Variants in NALF1 observed in about 807,000 individuals in gnomAD.
NALF1 encodes the protein family with sequence similarity 155 member A.
A neutral mutation model predicts 48.4 loss-of-function variants in NALF1; 3 were observed. The observed-to-expected ratio is 0.06, with a 90% confidence interval of 0.03 to 0.16. The LOEUF is 0.16. NALF1 is among the 10% of genes least tolerant of loss of function. The pLI is 1.00. For synonymous variants in NALF1, 262 were observed against 245.7 expected (o/e 1.07, Z -0.62); for missense variants, 526 against 571.5 (o/e 0.92, Z 0.81).
At chr13:107,403,184 C>T (rs138232238) in intron 1 of NALF1, among the ~76,000 whole-genome samples, 6 of 59,826 alleles carry the variant, frequency 1.0e-4, no homozygotes, top group Non-Finnish European at 1.6e-4. Flanking sequence ...TTCTCTTGTT[C>T]GGGCTTTTTT....
In NALF1 at chr13:107,671,101, A is replaced by G. The variant is rs1156989435; in HGVS notation, c.915+194581T>C. ...TTTTAATGGAGTAGAACAAAAGTAA[A>G]TAAAATTTTCACTCACATTTTATAA... On this transcript the variant is annotated intron_variant, in intron 1 of 2. Coordinates refer to ENST00000375915, the MANE Select transcript of NALF1 (RefSeq NM_001080396.3). 9.2e-5 allele frequency among the ~76,000 whole-genome samples: 14 copies of G among 152,286 alleles called. No individual in the cohort carries two copies. The East Asian group carries it at 2.3e-3, about 25-fold the overall frequency.
intron 1 of NALF1, among the ~76,000 whole-genome samples, chr13:107,415,531 G>A (rs1175481411): frequency 1.3e-5 from 2 of 151,960 alleles, no homozygotes; most frequent in Non-Finnish European, 2.9e-5. Context: ...CAACATAGCA[G>A]ATTTCATTAT....
At chr13:107,847,985 A>G (rs949193137) in intron 1 of NALF1, among the ~76,000 whole-genome samples, 1 of 152,204 alleles carries the variant, frequency 6.6e-6, no homozygotes, top group African/African-American at 2.4e-5. Flanking sequence ...ATCAGATATA[A>G]TATTATTCCA....
intron 2 of NALF1, among the ~76,000 whole-genome samples, chr13:107,184,681 C>A (rs1473081890): frequency 6.6e-6 from 1 of 152,146 alleles, no homozygotes; most frequent in Non-Finnish European, 1.5e-5. Flanking sequence ...GTTTAAAGGG[C>A]CTTTTTGTCC....
At chr13:107,328,555 C>G (rs1027124879) in intron 1 of NALF1, among the ~76,000 whole-genome samples, 3 of 152,168 alleles carry the variant, frequency 2.0e-5, no homozygotes, top group South Asian at 2.1e-4. Context: ...ATGGCCTTGA[C>G]AAACCTTTGG....
chr13:107,558,749 T>C (rs1350704274), intron 1 of NALF1, among the ~76,000 whole-genome samples: 1 of 152,186 alleles, frequency 6.6e-6, no homozygotes, highest in Non-Finnish European at 1.5e-5. Flanking sequence ...TTTTACTCTG[T>C]AGACTGAGTA....
chr13:107,591,045 T>C (rs1878588937), intron 1 of NALF1, among the ~76,000 whole-genome samples: 1 of 151,926 alleles, frequency 6.6e-6, no homozygotes, highest in Admixed American at 6.6e-5. Context: ...AACATGTAAA[T>C]GTAAAACTGA....
intron 1 of NALF1, among the ~76,000 whole-genome samples, chr13:107,246,911 A>C (rs1880597230): frequency 6.6e-6 from 1 of 152,172 alleles, no homozygotes; most frequent in East Asian, 1.9e-4. Flanking sequence ...TTAAAAATGC[A>C]TCTCTATCAC....
At chr13:107,183,290 G>A (rs1357177675) in intron 2 of NALF1, among the ~76,000 whole-genome samples, 3 of 152,196 alleles carry the variant, frequency 2.0e-5, no homozygotes, top group Non-Finnish European at 2.9e-5. Flanking sequence ...CAGTGCACAC[G>A]TTGGTCTACT....
intron 1 of NALF1, among the ~76,000 whole-genome samples, chr13:107,544,615 C>T (rs184971138): frequency 2.2e-4 from 34 of 152,242 alleles, no homozygotes; most frequent in African/African-American, 7.5e-4. Flanking sequence ...AATGCCACCA[C>T]GGGCACTCGA....
intron 1 of NALF1, among the ~76,000 whole-genome samples, chr13:107,797,266 C>T (rs1475753563): frequency 6.6e-6 from 1 of 152,146 alleles, no homozygotes; most frequent in Non-Finnish European, 1.5e-5. Flanking sequence ...AGTGCAGTGG[C>T]ACAATCTTAG....
intron 1 of NALF1, among the ~76,000 whole-genome samples, chr13:107,319,128 G>A (rs972408731): frequency 1.3e-5 from 2 of 152,204 alleles, no homozygotes; most frequent in East Asian, 1.9e-4. Context: ...TGAAAGATGT[G>A]AGGGAGAATG....
At chr13:107,382,462 G>A (rs1161467756) in intron 1 of NALF1, among the ~76,000 whole-genome samples, 1 of 152,028 alleles carries the variant, frequency 6.6e-6, no homozygotes, top group Non-Finnish European at 1.5e-5. Context: ...ACTTACAGAG[G>A]AGTTGCAAAA....
At chr13:107,284,346 C>T (rs537207328) in intron 1 of NALF1, among the ~76,000 whole-genome samples, 1 of 152,158 alleles carries the variant, frequency 6.6e-6, no homozygotes, top group Admixed American at 6.5e-5. Context: ...AAGCATGACT[C>T]ATTCAAAGGA....
At chr13:107,545,730 G>A (rs992133901) in intron 1 of NALF1, among the ~76,000 whole-genome samples, 4 of 152,074 alleles carry the variant, frequency 2.6e-5, no homozygotes, top group Non-Finnish European at 5.9e-5. Flanking sequence ...GGGAGAATGT[G>A]GGCAGTGTGG....
At chr13:107,177,842 G>A (rs1178053892) in intron 2 of NALF1, among the ~76,000 whole-genome samples, 2 of 152,198 alleles carry the variant, frequency 1.3e-5, no homozygotes. Flanking sequence ...TTGAGGCCAG[G>A]AGTGTGAGAC....
At chr13:107,336,922 C>G (rs898060684) in intron 1 of NALF1, among the ~76,000 whole-genome samples, 4 of 151,232 alleles carry the variant, frequency 2.6e-5, no homozygotes, top group African/African-American at 9.7e-5. Context: ...GAATAATGAT[C>G]AATTGAATGA....
intron 2 of NALF1, among the ~76,000 whole-genome samples, chr13:107,197,449 G>T (rs149640498): frequency 3.8e-4 from 58 of 152,268 alleles, no homozygotes; most frequent in Non-Finnish European, 4.0e-4. Flanking sequence ...GTGAACTTGG[G>T]AAAGCTACTG....
At chr13:107,452,400 G>GCATCTTCTT (rs1884756919) in intron 1 of NALF1, among the ~76,000 whole-genome samples, 1 of 152,114 alleles carries the variant, frequency 6.6e-6, no homozygotes, top group South Asian at 2.1e-4. Context: ...ATAAAGCAAG[G>GCATCTTCTT]CATCTTCTTC....
Sources: gnomAD v4.1 joint callset for allele counts (sites outside exome capture counted in the v4.1 genomes callset) on GRCh38, gnomAD v4.1.1 for gene constraint, MANE v1.5 for transcripts, NCBI Gene and HGNC (gene_info 2026-07-23, HGNC 2026-07-21) for gene names.